Variants in COL20A1 observed in about 807,000 individuals in gnomAD.
COL20A1 encodes collagen alpha-1(XX) chain.
COL20A1 carries 164 observed loss-of-function variants against 152.9 expected under a neutral mutation model. The observed-to-expected ratio is 1.07, with a 90% CI of 0.94 to 1.22. The LOEUF is 1.22. Among genes scored for constraint, COL20A1 ranks in the 50% most tolerant of loss-of-function variants. The probability of loss-of-function intolerance (pLI) is 0.00; values close to 1 mark genes in which losing one functional copy is unlikely to be tolerated. For synonymous variants in COL20A1, 864 were observed against 756.0 expected (o/e 1.14, Z -2.34); for missense variants, 1,873 against 1,744.8 (o/e 1.07, Z -1.31).
At chr20:63,329,735 C>T (rs1009759688) in intron 35 of COL20A1, 74 bp downstream of exon 35, 30 of 1,050,298 alleles carry the variant, frequency 2.9e-5, no homozygotes, top group East Asian at 5.2e-5. Flanking sequence ...GAGGGGCCAA[C>T]GGGTGGGGCC....
In COL20A1 at chr20:63,305,496, C is replaced by T. The variant is rs1475506265; in HGVS notation, c.273C>T (p.Tyr91=). The change falls in exon 4 of 36, where the codon TAC becomes TAT. Residue 91 remains tyrosine (Y), a synonymous_variant. Transcript: ENST00000358894. This position sits in a 1 kb window ranked among gnomAD's most constrained non-coding sequence, Gnocchi z 4.9. ...GGGGCCTGAGCCCCTCCAAGGGCTA[C>T]ACCTTGCAGATCTTCGAGCTCACTG... ...TVGGLSPSKG[Y]TLQIFELTGS... 2 of 1,608,232 alleles carry T rather than the reference C, an allele frequency of 1.2e-6. No individual in the cohort carries two copies. The highest frequency in any genetic ancestry group is 3.4e-5 in the Admixed American group (2 of 59,322).
chr20:63,299,866 C>T (rs919620750), intron 3 of COL20A1, among the ~76,000 whole-genome samples: 4 of 150,366 alleles, frequency 2.7e-5, no homozygotes, highest in Middle Eastern at 3.4e-3. Context: ...TACATATATA[C>T]GTTGTGTGTA....
At chr20:63,324,575 G>A (rs530760072) in intron 27 of COL20A1, 2 of 152,436 alleles carry the variant, frequency 1.3e-5, no homozygotes, top group African/African-American at 4.8e-5. Context: ...ATGACTGTGC[G>A]TCTTGGAGCT....
chr20:63,307,525 G>A lies in COL20A1; in HGVS notation c.532G>A (p.Ala178Thr), dbSNP rs1208860284. ...PQFRCLPPVPADMVFLVDGSW... is the reference protein window; with the variant it reads ...PQFRCLPPVPTDMVFLVDGSW... Reference sequence around the variant, plus strand: ...GTTCCGCTGCCTGCCCCCCGTGCCTGCTGACATGGTCTTCCTGGTGGACGG... The same window carrying A: ...GTTCCGCTGCCTGCCCCCCGTGCCTACTGACATGGTCTTCCTGGTGGACGG... Residue 178 changes from alanine (A) to threonine (T), a missense_variant, in exon 6 of 36, where the codon GCT (alanine) becomes ACT (threonine). Coordinates refer to ENST00000358894, the MANE Select transcript of COL20A1 (RefSeq NM_020882.4). The A allele has an allele frequency of 1.2e-6, 2 of 1,612,374 alleles. No homozygotes were observed. Among genetic ancestry groups the A allele is most frequent in the Non-Finnish European group, 1.7e-6 (2 of 1,179,688 alleles).
In COL20A1 at chr20:63,310,520, G is replaced by T; in HGVS notation, c.1393+10G>T. The stretch of plus-strand genomic sequence containing the variant: ...GGCCTGGTGACCACAGGTAGGTGGG[G>T]CAGAGGCAGCGGCCAGGTTCTGGGT... On this transcript the variant is annotated intron_variant, in intron 11 of 35. Transcript: ENST00000358894. 6.3e-7 allele frequency: 1 copy of T among 1,578,792 alleles called. No individual in the cohort carries two copies. The highest frequency in any genetic ancestry group is 8.6e-7 in the Non-Finnish European group (1 of 1,161,968).
rs1050033556 is a variant in COL20A1, at chr20:63,333,892, G to A, written c.*3176G>A. The A allele has an allele frequency of 2.6e-5, 4 of 152,342 alleles. No individual in the cohort carries two copies. The highest frequency in any genetic ancestry group is 2.1e-4 in the South Asian group (1 of 4,838). 9.4% of individuals were successfully genotyped at this position (152,342 alleles called of 1,614,324 possible). A position where few individuals can be genotyped will look rare whatever the true frequency, so the allele number is the denominator to read the frequency against. ...TCATCTACCAAGGACCAGGGCAGTG[G>A]GGACGGGAGAGCTGGGACACGTGGA... On this transcript the variant is annotated 3_prime_UTR_variant, in exon 36 of 36. Coordinates refer to ENST00000358894, the MANE Select transcript of COL20A1 (RefSeq NM_020882.4).
Position 63,333,892 on chromosome 20 carries a change from G to T in COL20A1, c.*3176G>T. 1 of 152,460 alleles carries T rather than the reference G, an allele frequency of 6.6e-6. No homozygotes were observed. 9.4% of individuals were successfully genotyped at this position (152,460 alleles called of 1,614,324 possible). A position where few individuals can be genotyped will look rare whatever the true frequency, so the allele number is the denominator to read the frequency against. ...TCATCTACCAAGGACCAGGGCAGTG[G>T]GGACGGGAGAGCTGGGACACGTGGA... On this transcript the variant is annotated 3_prime_UTR_variant, in exon 36 of 36. Transcript: ENST00000358894.
Position 63,314,121 on chromosome 20 carries a change from C to A in COL20A1, c.2408C>A (p.Ala803Glu). ...RSHVTLPDLQAATKYRVLVSA... is the reference protein window; with the variant it reads ...RSHVTLPDLQEATKYRVLVSA... ...CACGTGACACTGCCCGACCTGCAGG[C>A]AGCCACGAAGTACAGGGTCCTGGTC... The change falls in exon 19 of 36, where the codon GCA becomes GAA. Residue 803 changes from alanine (A) to glutamate (E), a missense_variant. Coordinates refer to ENST00000358894, the MANE Select transcript of COL20A1 (RefSeq NM_020882.4). 1 of 1,612,372 alleles carries A rather than the reference C, an allele frequency of 6.2e-7. No individual in the cohort carries two copies. The highest frequency in any genetic ancestry group is 1.1e-5 in the South Asian group (1 of 90,890).
At chr20:63,324,161 C>T (rs1209487230) in intron 27 of COL20A1, among the ~76,000 whole-genome samples, 2 of 152,240 alleles carry the variant, frequency 1.3e-5, no homozygotes. Context: ...TATTTTCACA[C>T]TGGCCGTGAC....
rs776421453 is a variant in COL20A1 at position 63,313,124 on chromosome 20, T to C, written c.2084T>C (p.Val695Ala). ...LGEGKAHEISVPGNLGTAVLP... is the reference protein window; with the variant it reads ...LGEGKAHEISAPGNLGTAVLP... Reference sequence around the variant, plus strand: ...GGGCTCTCCTCTCCCTAGATCTCTGTCCCAGGGAACCTCGGCACGGCCGTC... The same window carrying C: ...GGGCTCTCCTCTCCCTAGATCTCTGCCCCAGGGAACCTCGGCACGGCCGTC... The change falls in exon 17 of 36, where the codon GTC becomes GCC. Residue 695 changes from valine to alanine, a missense_variant. Physicochemically the swap from Val to Ala is moderately conservative, Grantham distance 64. Transcript: ENST00000358894. This position sits in a 1 kb window ranked among gnomAD's most constrained non-coding sequence, Gnocchi z 5.9. 2 of 1,608,688 alleles carry C rather than the reference T, an allele frequency of 1.2e-6. No homozygotes were observed. The highest frequency in any genetic ancestry group is 1.7e-5 in the Admixed American group (1 of 59,520).
In COL20A1 at chr20:63,307,650, T is replaced by G. The variant is rs2067944520; in HGVS notation, c.655+2T>G. Reference sequence around the variant, plus strand: ...TCGGGCCGGATAAGGTCCAAGTAGGTGGGTGCTGGCCCGGCCCGCCTCCTG... The same window carrying G: ...TCGGGCCGGATAAGGTCCAAGTAGGGGGGTGCTGGCCCGGCCCGCCTCCTG... On this transcript the variant is annotated splice_donor_variant, in intron 6 of 35. Transcript: ENST00000358894. LOFTEE classifies it high-confidence loss of function. 2 of 1,611,478 alleles carry G rather than the reference T, an allele frequency of 1.2e-6. No homozygotes were observed. Among genetic ancestry groups the G allele is most frequent in the Non-Finnish European group, 1.7e-6 (2 of 1,179,102 alleles).
At chr20:63,328,703 G>A (rs567144469) in intron 34 of COL20A1, among the ~76,000 whole-genome samples, 18 of 152,240 alleles carry the variant, frequency 1.2e-4, no homozygotes, top group African/African-American at 2.4e-4. Flanking sequence ...GGTCAGCCTC[G>A]GCCTGGCCTT....
chr20:63,328,327 A>C lies in COL20A1; in HGVS notation c.3614-4A>C, dbSNP rs761901747. 6.2e-7 allele frequency: 1 copy of C among 1,609,210 alleles called. No homozygotes were observed. Among genetic ancestry groups the C allele is most frequent in the Admixed American group, 1.7e-5 (1 of 59,644 alleles). On this transcript the variant is annotated splice_region_variant and splice_polypyrimidine_tract_variant and intron_variant, in intron 33 of 35. Coordinates refer to ENST00000358894, the MANE Select transcript of COL20A1 (RefSeq NM_020882.4). Reference sequence around the variant, plus strand: ...TGTCCTGCTGACACCCCTCCTCCCCACAGCACACGTGTCAAAGTTCGACTC... The same window carrying C: ...TGTCCTGCTGACACCCCTCCTCCCCCCAGCACACGTGTCAAAGTTCGACTC...
intron 8 of COL20A1, 62 bp from the exon 9 acceptor site, chr20:63,309,271 C>T (rs899923673): frequency 3.7e-5 from 49 of 1,311,446 alleles, no homozygotes; most frequent in Non-Finnish European, 4.6e-5. Context: ...AGACCCCCAC[C>T]GCAGGTGGCC....
chr20:63,325,542 G>T, intron 28 of COL20A1, 48 bp downstream of exon 28: 2 of 1,549,834 alleles, frequency 1.3e-6, no homozygotes, highest in South Asian at 2.2e-5. Flanking sequence ...GGGGGTGGGG[G>T]AAGGACAGGG....
In COL20A1 at chr20:63,306,981, CG is replaced by C. The variant is rs2067933849; in HGVS notation, c.497-503del. Among the ~76,000 whole-genome samples, 1 of 152,220 alleles carries C rather than the reference CG, an allele frequency of 6.6e-6. No homozygotes were observed. ...CAGCTGGGCCTCTTCGGTCGCCCCA[CG>C]GGGGGCTCCACCGTGATGGCTGCTG... is the stretch of plus-strand genomic sequence containing the variant. On this transcript the variant is annotated intron_variant, in intron 5 of 35. Transcript: ENST00000358894. This position sits in a 1 kb window ranked among gnomAD's most constrained non-coding sequence, Gnocchi z 6.9.
chr20:63,305,446 AC>A lies in COL20A1; in HGVS notation c.225del (p.Lys76ArgfsTer10). 1 of 1,593,640 alleles carries A rather than the reference AC, an allele frequency of 6.3e-7. No homozygotes were observed. On this transcript the variant is annotated frameshift_variant, in exon 4 of 36. Transcript: ENST00000358894. LOFTEE classifies it high-confidence loss of function. The surrounding 1 kb of genome is among the most constrained non-coding windows in gnomAD (Gnocchi z 4.9). ...CTCGGAACAGGAGGTGATACTGACC[AC>A]CAAGACCCCTAAGGCCACAGTGGGG... ...GDSEQEVILT[T>X]KTPKATVGGL...
chr20:63,329,446 C>G (rs2068302623), intron 34 of COL20A1, 139 bp from the exon 35 acceptor site: 1 of 669,382 alleles, frequency 1.5e-6, no homozygotes, highest in African/African-American at 1.8e-5. Flanking sequence ...GCTGCTGCCC[C>G]TAGATCTCAG....
At chr20:63,301,502 G>GA (rs147058510) in intron 3 of COL20A1, among the ~76,000 whole-genome samples, 1 of 152,116 alleles carries the variant, frequency 6.6e-6, no homozygotes, top group Non-Finnish European at 1.5e-5. Context: ...TGCTGTTACT[G>GA]AAAAAAGTAT....
Sources: gnomAD v4.1 joint callset for allele counts (sites outside exome capture counted in the v4.1 genomes callset) on GRCh38, gnomAD v4.1.1 for gene constraint, Gnocchi (gnomAD v3.1) non-coding constraint, MANE v1.5 for transcripts, NCBI Gene and HGNC (gene_info 2026-07-23, HGNC 2026-07-21) for gene names.